Variants in CSMD2 observed in about 807,000 individuals in gnomAD.
CSMD2 encodes CUB and sushi domain-containing protein 2.
In CSMD2, 130 loss-of-function variants were observed where a neutral mutation model predicts 398.5. The observed-to-expected ratio is 0.33, with a 90% CI of 0.28 to 0.38. CSMD2 has a LOEUF of 0.38. CSMD2 is among the 10% of genes least tolerant of loss of function. The pLI is 1.00. For synonymous variants in CSMD2, 1,828 were observed against 1,908.5 expected (o/e 0.96, Z 1.10); for missense variants, 3,829 against 4,764.9 (o/e 0.80, Z 5.78).
intron 2 of CSMD2, among the ~76,000 whole-genome samples, chr1:34,035,944 C>A (rs1359881026): frequency 6.6e-6 from 1 of 152,076 alleles, no homozygotes; most frequent in Admixed American, 6.5e-5. Context: ...TAAGGAAATA[C>A]AAATTAAGAA....
intron 2 of CSMD2, among the ~76,000 whole-genome samples, chr1:34,088,336 G>T (rs1050976914): frequency 6.6e-6 from 1 of 152,154 alleles, no homozygotes; most frequent in Non-Finnish European, 1.5e-5. Flanking sequence ...TTGACCCTGG[G>T]GTCTTCACCT....
upstream of CSMD2, chr1:34,165,415 T>G: frequency 2.7e-6 from 2 of 752,066 alleles, no homozygotes; most frequent in Non-Finnish European, 3.8e-6. Flanking sequence ...AAGGATAAAA[T>G]ATTGGGGGGC....
In CSMD2 at chr1:33,707,607, T is replaced by C. The variant is rs184157150; in HGVS notation, c.3576+1482A>G. On this transcript the variant is annotated intron_variant, in intron 22 of 70. Coordinates refer to ENST00000373381, the MANE Select transcript of CSMD2 (RefSeq NM_001281956.2). ...GCACATCCAGTCCCAGCCAGTGATC[T>C]CATGAGTGAATCTTCTTGGGTTCAA... Among the ~76,000 whole-genome samples the C allele has an allele frequency of 3.0e-3, 456 of 152,210 alleles. 2 individuals carry two copies. Among genetic ancestry groups the C allele is most frequent in the Middle Eastern group, 0.017 (5 of 292 alleles).
At chr1:33,595,070 A>C (rs2148781762) in intron 44 of CSMD2, among the ~76,000 whole-genome samples, 1 of 152,310 alleles carries the variant, frequency 6.6e-6, no homozygotes, top group South Asian at 2.1e-4. Flanking sequence ...CATTACTGCC[A>C]TCGAATCTTC....
intron 3 of CSMD2, among the ~76,000 whole-genome samples, chr1:33,995,039 G>C (rs959575839): frequency 6.6e-6 from 1 of 150,956 alleles, no homozygotes. Flanking sequence ...ACTCCAGCCT[G>C]GCGACAGAGC....
intron 4 of CSMD2, among the ~76,000 whole-genome samples, chr1:33,918,819 A>G (rs1029263402): frequency 6.6e-6 from 1 of 152,204 alleles, no homozygotes; most frequent in Non-Finnish European, 1.5e-5. Context: ...AGCCACCTGC[A>G]TAACTTTGGG....
intron 27 of CSMD2, among the ~76,000 whole-genome samples, chr1:33,653,874 G>A (rs1257215440): frequency 2.0e-5 from 3 of 152,212 alleles, no homozygotes; most frequent in Non-Finnish European, 4.4e-5. Flanking sequence ...GAAAATCCAA[G>A]ATGAGTCTTT....
Position 34,007,161 on chromosome 1 carries a change from GCTCCC to G in CSMD2, c.517+25428_517+25432del, listed in dbSNP as rs780780885. 1.4e-3 allele frequency among the ~76,000 whole-genome samples: 207 copies of G among 152,140 alleles called. 1 individual carries two copies. Among genetic ancestry groups the G allele is most frequent in the Middle Eastern group, 3.4e-3 (1 of 294 alleles). On this transcript the variant is annotated intron_variant, in intron 3 of 70. Coordinates refer to ENST00000373381, the MANE Select transcript of CSMD2 (RefSeq NM_001281956.2). ...GAGGACTGGCCCGCCTCGACCTGAA[GCTCCC>G]TCTCTGTCTCCAGGACTCAGACACC...
intron 5 of CSMD2, among the ~76,000 whole-genome samples, chr1:33,847,955 C>T (rs1339496564): frequency 6.6e-6 from 1 of 152,230 alleles, no homozygotes; most frequent in East Asian, 1.9e-4. Context: ...TCTTGATTTC[C>T]AGCTTCTAAC....
intron 5 of CSMD2, among the ~76,000 whole-genome samples, chr1:33,857,505 G>A (rs1380448718): frequency 2.0e-5 from 3 of 152,104 alleles, no homozygotes; most frequent in Middle Eastern, 6.3e-3. Flanking sequence ...CTCTCTCGGT[G>A]CCCCATCTCT....
At chr1:33,701,938 T>A (rs758546178) in intron 22 of CSMD2, among the ~76,000 whole-genome samples, 1 of 152,234 alleles carries the variant, frequency 6.6e-6, no homozygotes, top group Non-Finnish European at 1.5e-5. Flanking sequence ...AGACACCATG[T>A]GTTTCTTTAA....
chr1:33,807,704 G>T (rs1656384387), intron 10 of CSMD2, among the ~76,000 whole-genome samples: 1 of 152,124 alleles, frequency 6.6e-6, no homozygotes, highest in African/African-American at 2.4e-5. Context: ...GGCTTTTCAG[G>T]AAGAACACAA....
At chr1:33,711,509 C>A (rs1645988798) in intron 21 of CSMD2, among the ~76,000 whole-genome samples, 1 of 152,168 alleles carries the variant, frequency 6.6e-6, no homozygotes, top group African/African-American at 2.4e-5. Flanking sequence ...CACATAGTAG[C>A]CTCTCCACCA....
rs1440077090 is a variant in CSMD2 at position 33,646,780 on chromosome 1, G to A, written c.4642C>T (p.Leu1548Phe). 6.2e-7 allele frequency: 1 copy of A among 1,613,972 alleles called. No individual in the cohort carries two copies. The highest frequency in any genetic ancestry group is 8.5e-7 in the Non-Finnish European group (1 of 1,179,984). Residue 1548 changes from leucine to phenylalanine, a missense_variant, in exon 29 of 71, where the codon CTC (leucine) becomes TTC (phenylalanine). Leu to Phe is a conservative substitution (Grantham distance 22, BLOSUM62 0). Coordinates refer to ENST00000373381, the MANE Select transcript of CSMD2 (RefSeq NM_001281956.2). ...TAGAAGCTTCCTATGAGAGGGCTGAGAGAGTCCCGTCCGTCGTAGATATGG... is the reference window on the plus strand; with the variant it reads ...TAGAAGCTTCCTATGAGAGGGCTGAAAGAGTCCCGTCCGTCGTAGATATGG... ...FLHIYDGRDS[L>F]SPLIGSFYGS...
At chr1:33,954,661 AT>A (rs1295614869) in intron 3 of CSMD2, among the ~76,000 whole-genome samples, 1 of 152,212 alleles carries the variant, frequency 6.6e-6, no homozygotes, top group Non-Finnish European at 1.5e-5. Context: ...ACTACACAGC[AT>A]GGATGAACTG....
chr1:33,701,255 T>A (rs1645602679), intron 22 of CSMD2, among the ~76,000 whole-genome samples: 1 of 152,156 alleles, frequency 6.6e-6, no homozygotes, highest in Non-Finnish European at 1.5e-5. Context: ...CTCTGCCCCT[T>A]CCCTCCTAAA....
At position 33,897,541 on chromosome 1, in the gene CSMD2, C is replaced by A. The variant is rs142844562; in HGVS notation, c.920+20553G>T. ...GCAAGTAAAAACCTGTGGGTTCATA[C>A]TGTGTATGTCCACATCATGACTGAG... On this transcript the variant is annotated intron_variant, in intron 5 of 70. Coordinates refer to ENST00000373381, the MANE Select transcript of CSMD2 (RefSeq NM_001281956.2). Among the ~76,000 whole-genome samples, 15 of 152,354 alleles carry A rather than the reference C, an allele frequency of 9.8e-5. No individual in the cohort carries two copies. In the East Asian group the frequency reaches 2.9e-3, roughly 29 times the overall value.
intron 18 of CSMD2, 71 bp downstream of exon 18, chr1:33,724,444 CT>C: frequency 6.4e-7 from 1 of 1,568,254 alleles, no homozygotes; most frequent in Non-Finnish European, 8.7e-7. Flanking sequence ...AGTCAGTGGT[CT>C]TTTGAGCACC....
In CSMD2 at chr1:33,537,622, A is replaced by G; in HGVS notation, c.9632-13T>C. ...CCGCAGAACACAGCTGGGAAGACGA[A>G]GGGAGAAAGGCAGGTCTAAGTTGCT... On this transcript the variant is annotated splice_polypyrimidine_tract_variant and intron_variant, in intron 60 of 70. Transcript: ENST00000373381. This position sits in a 1 kb window ranked among gnomAD's most constrained non-coding sequence, Gnocchi z 4.6. The G allele has an allele frequency of 6.2e-7, 1 of 1,605,348 alleles. No homozygotes were observed. The highest frequency in any genetic ancestry group is 8.5e-7 in the Non-Finnish European group (1 of 1,175,018).
Sources: allele counts gnomAD v4.1 joint callset (sites outside exome capture counted in the v4.1 genomes callset), GRCh38; gene constraint gnomAD v4.1.1; non-coding constraint Gnocchi (gnomAD v3.1); transcripts MANE v1.5; gene names NCBI Gene and HGNC (gene_info 2026-07-23, HGNC 2026-07-21).